Variants in ERI3 observed in about 807,000 individuals in gnomAD.
ERI3 encodes the protein ERI1 exoribonuclease family member 3.
ERI3 carries 18 observed loss-of-function variants against 44.4 expected under a neutral mutation model. That is an observed-to-expected ratio of 0.41 (90% CI 0.28 to 0.60). ERI3 has a LOEUF of 0.60. Ranked by LOEUF, ERI3 falls within the 20% of genes least tolerant of loss-of-function variation. The pLI is 0.36. For synonymous variants in ERI3, 183 were observed against 164.8 expected, an observed-to-expected ratio of 1.11 and a Z score of -0.84; for missense variants, 294 against 435.5, an observed-to-expected ratio of 0.68 and a Z score of 2.89.
At chr1:44,317,306 C>T (rs543358596) in intron 4 of ERI3, among the ~76,000 whole-genome samples, 3 of 152,270 alleles carry the variant, frequency 2.0e-5, no homozygotes, top group South Asian at 4.1e-4. Flanking sequence ...CATCCCCACC[C>T]GCAAAAGGCA....
intron 7 of ERI3, among the ~76,000 whole-genome samples, chr1:44,264,323 C>T (rs987052758): frequency 1.3e-5 from 2 of 152,124 alleles, no homozygotes; most frequent in African/African-American, 4.8e-5. Context: ...TGGCAGCACC[C>T]GCCCACCCGC....
At chr1:44,323,015 G>T (rs1646236020) in intron 3 of ERI3, 1 of 1,132,816 alleles carries the variant, frequency 8.8e-7, no homozygotes, top group South Asian at 2.4e-5. Flanking sequence ...TGTTATTCCT[G>T]ACCCTGACCT....
intron 2 of ERI3, among the ~76,000 whole-genome samples, chr1:44,352,313 A>T (rs921560167): frequency 6.6e-6 from 1 of 152,242 alleles, no homozygotes; most frequent in African/African-American, 2.4e-5. Context: ...AGCCAGGTGT[A>T]GTGGCACATG....
At chr1:44,245,682 C>G (rs1644540022) in intron 8 of ERI3, among the ~76,000 whole-genome samples, 1 of 152,220 alleles carries the variant, frequency 6.6e-6, no homozygotes, top group Non-Finnish European at 1.5e-5. Context: ...CTCACAGGTC[C>G]TAACCTAGGG....
At chr1:44,310,529 A>C (rs1407837777) in intron 5 of ERI3, among the ~76,000 whole-genome samples, 2 of 152,150 alleles carry the variant, frequency 1.3e-5, no homozygotes, top group Admixed American at 6.5e-5. Flanking sequence ...AGTATATAGA[A>C]AGAAAGGACA....
rs975187825 is a variant in ERI3 at position 44,275,088 on chromosome 1, C to A, written c.831+9747G>T. Among the ~76,000 whole-genome samples the A allele has an allele frequency of 2.0e-5, 3 of 152,274 alleles. No individual in the cohort carries two copies. The East Asian group carries it at 5.8e-4, about 29-fold the overall frequency. ...ACTGCCCTCAGTGCAAACTCTCCCCCTCTCCAAAATAAAACAAAACAAACA... is the reference window on the plus strand; with the variant it reads ...ACTGCCCTCAGTGCAAACTCTCCCCATCTCCAAAATAAAACAAAACAAACA... On this transcript the variant is annotated intron_variant, in intron 7 of 8. Transcript: ENST00000372257.
intron 3 of ERI3, among the ~76,000 whole-genome samples, chr1:44,323,934 G>GAGAA (rs1646254177): frequency 6.6e-6 from 1 of 152,210 alleles, no homozygotes; most frequent in South Asian, 2.1e-4. Flanking sequence ...CTATCCTGTA[G>GAGAA]AGAACTCAAG....
chr1:44,226,995 G>T (rs868086462), intron 8 of ERI3, among the ~76,000 whole-genome samples: 2 of 151,990 alleles, frequency 1.3e-5, no homozygotes, highest in African/African-American at 2.4e-5. Context: ...CTTTTGAAAC[G>T]ACAGCTCTAT....
intron 3 of ERI3, among the ~76,000 whole-genome samples, chr1:44,328,400 C>T (rs1646359706): frequency 6.6e-6 from 1 of 152,000 alleles, no homozygotes; most frequent in Admixed American, 6.6e-5. Flanking sequence ...AATTTCTGGC[C>T]TCCACCCTTG....
At chr1:44,229,999 G>A (rs528460428) in intron 8 of ERI3, among the ~76,000 whole-genome samples, 1 of 152,200 alleles carries the variant, frequency 6.6e-6, no homozygotes, top group South Asian at 2.1e-4. Context: ...ACTCCCATTA[G>A]CACTCCTCCC....
intron 3 of ERI3, among the ~76,000 whole-genome samples, chr1:44,321,141 C>T (rs924302816): frequency 6.6e-6 from 1 of 152,110 alleles, no homozygotes; most frequent in African/African-American, 2.4e-5. Flanking sequence ...GGTATCCTCC[C>T]GGCAAAACAT....
chr1:44,336,719 G>A (rs571731214), intron 3 of ERI3, among the ~76,000 whole-genome samples: 2 of 152,266 alleles, frequency 1.3e-5, no homozygotes, highest in South Asian at 4.2e-4. Context: ...AAGATCATTC[G>A]TATTCTCCTT....
chr1:44,337,696 G>A (rs576729419), intron 3 of ERI3, among the ~76,000 whole-genome samples: 36 of 152,238 alleles, frequency 2.4e-4, no homozygotes, highest in Admixed American at 8.5e-4. Flanking sequence ...GAGGAGAAAG[G>A]GAACACTAGA....
intron 7 of ERI3, among the ~76,000 whole-genome samples, chr1:44,280,010 C>A (rs1213118087): frequency 6.6e-6 from 1 of 152,160 alleles, no homozygotes; most frequent in Non-Finnish European, 1.5e-5. Context: ...CATCTACCAG[C>A]CACCTAGATC....
Position 44,252,662 on chromosome 1 carries a change from G to A in ERI3, c.832-4624C>T, listed in dbSNP as rs1487670758. ...TGGGGGCTTAGCAGCTGCGACAAGTGTATTGGGTTTAATAGATGAAGTAGC... is the reference window on the plus strand; with the variant it reads ...TGGGGGCTTAGCAGCTGCGACAAGTATATTGGGTTTAATAGATGAAGTAGC... On this transcript the variant is annotated intron_variant, in intron 7 of 8. Transcript: ENST00000372257. This position sits in a 1 kb window ranked among gnomAD's most constrained non-coding sequence, Gnocchi z 4.7. Among the ~76,000 whole-genome samples the A allele has an allele frequency of 6.6e-6, 1 of 152,224 alleles. No homozygotes were observed. Among genetic ancestry groups the A allele is most frequent in the Non-Finnish European group, 1.5e-5 (1 of 68,042 alleles).
rs767140857 is a variant in ERI3, at chr1:44,284,949, T to C, written c.759-42A>G. On this transcript the variant is annotated intron_variant, in intron 6 of 8. Coordinates refer to ENST00000372257, the MANE Select transcript of ERI3 (RefSeq NM_024066.3). ...AGAGAGAACAAGTTGGGCGCATCCA[T>C]GTCCCAGGTATGAAGTCTTAAGATG... 44 of 1,544,378 alleles carry C rather than the reference T, an allele frequency of 2.8e-5. No homozygotes were observed. In the South Asian group the frequency reaches 4.4e-4, roughly 15 times the overall value.
intron 7 of ERI3, among the ~76,000 whole-genome samples, chr1:44,253,301 C>G (rs191521361): frequency 1.2e-3 from 184 of 152,282 alleles, no homozygotes; most frequent in African/African-American, 4.1e-3. Context: ...GTTATTAAAC[C>G]TCTCTGAGCC....
At chr1:44,352,788 C>T in intron 2 of ERI3, 62 bp downstream of exon 2, 1 of 1,596,148 alleles carries the variant, frequency 6.3e-7, no homozygotes, top group Non-Finnish European at 8.6e-7. Context: ...ACCCCCTACC[C>T]TCCAAGCCCA....
chr1:44,337,012 G>A (rs1357971821), intron 3 of ERI3, among the ~76,000 whole-genome samples: 1 of 152,180 alleles, frequency 6.6e-6, no homozygotes, highest in African/African-American at 2.4e-5. Flanking sequence ...CTTCAGCATT[G>A]TGATAAATAA....
Sources: gnomAD v4.1 joint callset for allele counts (sites outside exome capture counted in the v4.1 genomes callset) on GRCh38, gnomAD v4.1.1 for gene constraint, Gnocchi (gnomAD v3.1) non-coding constraint, MANE v1.5 for transcripts, NCBI Gene and HGNC (gene_info 2026-07-23, HGNC 2026-07-21) for gene names.